CPSF3: variants seen among roughly 807,000 people sequenced by gnomAD.
CPSF3 encodes the protein cleavage and polyadenylation specificity factor subunit 3.
Under a neutral mutation model 84.1 loss-of-function variants are expected in CPSF3, and 57 were observed. The ratio of observed to expected loss-of-function variants is 0.68; its 90% CI spans 0.55 to 0.85. The LOEUF is 0.85. Ranked by LOEUF, CPSF3 falls within the 40% of genes least tolerant of loss-of-function variation. The pLI is 0.00. For synonymous variants in CPSF3, 275 were observed against 278.1 expected (o/e 0.99, Z 0.11); for missense variants, 522 against 838.8 (o/e 0.62, Z 4.66).
rs184756158 is a variant in CPSF3, at chr2:9,428,683, T to C, written c.51-82T>C. 60 of 888,794 alleles carry C rather than the reference T, an allele frequency of 6.8e-5. No homozygotes were observed. The Admixed American group carries it at 6.8e-4, about 10-fold the overall frequency. The allele number at this position is 888,794 out of a possible 1,614,324, so 55.1% of individuals were successfully genotyped here. A position where few individuals can be genotyped will look rare whatever the true frequency, so the allele number is the denominator to read the frequency against. ...TGCTGTCATCAGATGGCATGTAGTG[T>C]ACATTGTAAAAAAGTGTAAGTTTAT... is the stretch of plus-strand genomic sequence containing the variant. On this transcript the variant is annotated intron_variant, in intron 1 of 17. Transcript: ENST00000238112.
At chr2:9,449,703 C>T (rs1394784894) in intron 11 of CPSF3, among the ~76,000 whole-genome samples, 5 of 149,460 alleles carry the variant, frequency 3.3e-5, no homozygotes, top group South Asian at 4.3e-4. Flanking sequence ...TGTCCTGTCA[C>T]GGCACTCCAG....
At chr2:9,464,569 T>A (rs1466890216) in intron 15 of CPSF3, among the ~76,000 whole-genome samples, 1 of 151,910 alleles carries the variant, frequency 6.6e-6, no homozygotes, top group Non-Finnish European at 1.5e-5. Flanking sequence ...GTTTTTGTGT[T>A]TTTTTAATAT....
chr2:9,470,696 CAGCTGTTTACT>C (rs1682135073), intron 16 of CPSF3, among the ~76,000 whole-genome samples: 1 of 152,186 alleles, frequency 6.6e-6, no homozygotes, highest in Non-Finnish European at 1.5e-5. Flanking sequence ...AATGCCGGCT[CAGCTGTTTACT>C]AGCTGTGAGG....
chr2:9,423,884 G>A, intron 1 of CPSF3, 61 bp downstream of exon 1: 1 of 1,595,416 alleles, frequency 6.3e-7, no homozygotes, highest in Non-Finnish European at 8.5e-7. Flanking sequence ...AGGGGTAACC[G>A]GAGACTGGCC....
At chr2:9,464,567 G>GT (rs1192654165) in intron 15 of CPSF3, among the ~76,000 whole-genome samples, 2 of 151,374 alleles carry the variant, frequency 1.3e-5, no homozygotes, top group Non-Finnish European at 2.9e-5. Context: ...TTGTTTTTGT[G>GT]TTTTTTTAAT....
intron 11 of CPSF3, among the ~76,000 whole-genome samples, chr2:9,449,325 G>A (rs1681236174): frequency 1.3e-5 from 2 of 152,194 alleles, no homozygotes; most frequent in African/African-American, 4.8e-5. Flanking sequence ...AGGAGGTGGA[G>A]GTTGTAGTGA....
In CPSF3 at chr2:9,448,233, A is replaced by G; in HGVS notation, c.1278A>G (p.Arg426=). 6.2e-7 allele frequency: 1 copy of G among 1,611,152 alleles called. No homozygotes were observed. The highest frequency in any genetic ancestry group is 8.5e-7 in the Non-Finnish European group (1 of 1,177,782). The part of the protein sequence containing the change: ...LVHGEQNEMA[R]LKAALIREYE... ...ATGGAGAACAGAATGAAATGGCCAG[A>G]TTGAAAGCAGCACTGATTCGAGAAT... The change falls in exon 11 of 18, where the codon AGA becomes AGG. Residue 426 remains arginine (R), a synonymous_variant. Coordinates refer to ENST00000238112, the MANE Select transcript of CPSF3 (RefSeq NM_016207.4).
intron 16 of CPSF3, chr2:9,467,981 CCGTTT>C: frequency 2.1e-6 from 1 of 470,858 alleles, no homozygotes. Context: ...GCTAGGTCAG[CCGTTT>C]GTGTTTCATT....
At chr2:9,425,310 A>G (rs1438955561) in intron 1 of CPSF3, among the ~76,000 whole-genome samples, 5 of 152,264 alleles carry the variant, frequency 3.3e-5, no homozygotes, top group Non-Finnish European at 5.9e-5. Flanking sequence ...TTGGACCTTT[A>G]TCAAGTCAAT....
intron 16 of CPSF3, among the ~76,000 whole-genome samples, 155 bp from the exon 17 acceptor site, chr2:9,471,188 T>A (rs1189219634): frequency 6.6e-6 from 1 of 151,206 alleles, no homozygotes; most frequent in African/African-American, 2.4e-5. Context: ...CGCTCCAGCC[T>A]GGGCCACAGA....
chr2:9,471,388 T>G lies in CPSF3; in HGVS notation c.1902T>G (p.Ile634Met), dbSNP rs1327810037. ...GTGTAAGTGTAAAGGATGACTCTAT[T>G]CTTAGCGTCACAGTGGACGGGAAAA... ...EDCVSVKDDS[I>M]LSVTVDGKTA... The change falls in exon 17 of 18, where the codon ATT becomes ATG. Residue 634 changes from isoleucine (I) to methionine (M), a missense_variant. Transcript: ENST00000238112. The G allele has an allele frequency of 1.2e-6, 2 of 1,612,866 alleles. No individual in the cohort carries two copies. Among genetic ancestry groups the G allele is most frequent in the Non-Finnish European group, 1.7e-6 (2 of 1,178,914 alleles).
At chr2:9,431,520 A>AATAT (rs141320649) in intron 4 of CPSF3, among the ~76,000 whole-genome samples, 12 of 106,984 alleles carry the variant, frequency 1.1e-4, no homozygotes, top group African/African-American at 3.1e-4. Context: ...AAGATAAATA[A>AATAT]ATATACATAT....
Position 9,441,985 on chromosome 2 carries a change from C to T in CPSF3, c.1095+9C>T, listed in dbSNP as rs1332576921. The T allele has an allele frequency of 6.2e-7, 1 of 1,613,660 alleles. No homozygotes were observed. The highest frequency in any genetic ancestry group is 1.7e-5 in the Admixed American group (1 of 60,004). On this transcript the variant is annotated intron_variant, in intron 9 of 17. Transcript: ENST00000238112. ...AAGGGACACTTGCCAAGGTCAGTTA[C>T]AGTCATAGGCTGTTGTGTTATTCCT...
At chr2:9,427,683 T>C (rs1362273361) in intron 1 of CPSF3, among the ~76,000 whole-genome samples, 1 of 152,128 alleles carries the variant, frequency 6.6e-6, no homozygotes, top group African/African-American at 2.4e-5. Context: ...TTCCTTGAGG[T>C]CAGGGTCCCT....
chr2:9,449,366 C>G (rs866972929), intron 11 of CPSF3, among the ~76,000 whole-genome samples: 9 of 152,034 alleles, frequency 5.9e-5, no homozygotes, highest in Non-Finnish European at 8.8e-5. Context: ...ATGGAGGTTG[C>G]GGTGAGCTGC....
intron 9 of CPSF3, 26 bp from the exon 10 acceptor site, chr2:9,443,489 T>C (rs762645850): frequency 1.0e-4 from 159 of 1,593,166 alleles, no homozygotes; most frequent in Middle Eastern, 5.0e-4. Context: ...GTAGTTTGTT[T>C]TGTTATTTTT....
At chr2:9,432,740 T>C (rs1361913397) in intron 5 of CPSF3, 52 bp downstream of exon 5, 43 of 1,386,934 alleles carry the variant, frequency 3.1e-5, no homozygotes, top group Non-Finnish European at 4.0e-5. Context: ...TACAGAGCTT[T>C]GTGCCACCAA....
intron 12 of CPSF3, 36 bp downstream of exon 12, chr2:9,453,057 C>A: frequency 1.6e-6 from 2 of 1,261,562 alleles, no homozygotes; most frequent in Non-Finnish European, 1.1e-6. Flanking sequence ...CCAACTTCAC[C>A]TTAGCACTGA....
intron 8 of CPSF3, 59 bp downstream of exon 8, chr2:9,440,725 G>C (rs1309413647): frequency 3.2e-6 from 5 of 1,551,566 alleles, no homozygotes; most frequent in Non-Finnish European, 4.4e-6. Flanking sequence ...ATTAGTAGTA[G>C]GAGGTACGAG....
Sources: gnomAD v4.1 joint callset for allele counts (sites outside exome capture counted in the v4.1 genomes callset) on GRCh38, gnomAD v4.1.1 for gene constraint, MANE v1.5 for transcripts, NCBI Gene and HGNC (gene_info 2026-07-23, HGNC 2026-07-21) for gene names.